PHKB: variants seen among roughly 807,000 people sequenced by gnomAD.
PHKB encodes the protein phosphorylase kinase regulatory subunit beta.
PHKB carries 122 observed loss-of-function variants against 152.1 expected under a neutral mutation model. The ratio of observed to expected loss-of-function variants is 0.80; its 90% CI spans 0.69 to 0.93. The LOEUF (loss-of-function observed/expected upper bound fraction) is 0.93, where lower values mean the gene tolerates loss of function less well. Ranked by LOEUF, PHKB falls within the 40% of genes least tolerant of loss-of-function variation. The pLI is 0.00. For missense variants in PHKB, 1,304 were observed against 1,328.4 expected, an observed-to-expected ratio of 0.98 and a Z score of 0.29; for synonymous variants, 436 against 464.9, an observed-to-expected ratio of 0.94 and a Z score of 0.80.
intron 6 of PHKB, among the ~76,000 whole-genome samples, chr16:47,535,897 A>G (rs1156456187): frequency 1.3e-5 from 2 of 152,186 alleles, no homozygotes; most frequent in African/African-American, 4.8e-5. Flanking sequence ...TTTTTGCAGA[A>G]GTGGATATCA....
chr16:47,593,026 G>A (rs1972055008), intron 10 of PHKB, among the ~76,000 whole-genome samples: 1 of 151,096 alleles, frequency 6.6e-6, no homozygotes, highest in South Asian at 2.1e-4. Flanking sequence ...CAAGATAAGA[G>A]GATCTCTTGA....
At chr16:47,525,592 A>G (rs994335413) in intron 6 of PHKB, among the ~76,000 whole-genome samples, 5 of 152,218 alleles carry the variant, frequency 3.3e-5, no homozygotes, top group African/African-American at 1.2e-4. Flanking sequence ...TGGGTCCCTA[A>G]ATGACCTTAT....
At chr16:47,680,760 T>G (rs1973837214) in intron 26 of PHKB, among the ~76,000 whole-genome samples, 1 of 152,220 alleles carries the variant, frequency 6.6e-6, no homozygotes, top group South Asian at 2.1e-4. Flanking sequence ...TTTTTGTGTC[T>G]CTATTTCCTT....
chr16:47,696,538 C>T (rs199857232), intron 29 of PHKB, 50 bp downstream of exon 29: 5 of 1,005,344 alleles, frequency 5.0e-6, no homozygotes, highest in African/African-American at 1.6e-5. Context: ...CTCTCTGCTC[C>T]GTGAAAACTA....
chr16:47,700,920 C>T lies in PHKB; in HGVS notation c.*1554C>T, dbSNP rs1045687005. The T allele has an allele frequency of 1.3e-5, 2 of 151,934 alleles. No individual in the cohort carries two copies. The highest frequency in any genetic ancestry group is 4.8e-5 in the African/African-American group (2 of 41,338). The allele number at this position is 151,934 out of a possible 1,614,324, so 9.4% of individuals were successfully genotyped here. A position where few individuals can be genotyped will look rare whatever the true frequency, so the allele number is the denominator to read the frequency against. On this transcript the variant is annotated 3_prime_UTR_variant, in exon 31 of 31. Transcript: ENST00000323584. ...TTCTCATAACATTGAGGTACAGTGC[C>T]GAGATCTTGCATAAGAAATTGTATG...
At chr16:47,626,093 T>C (rs1363823994) in intron 14 of PHKB, among the ~76,000 whole-genome samples, 1 of 152,186 alleles carries the variant, frequency 6.6e-6, no homozygotes, top group Non-Finnish European at 1.5e-5. Flanking sequence ...CTCTCAAGGG[T>C]TCCTCACTAG....
At chr16:47,692,641 T>TA (rs1974081870) in intron 27 of PHKB, among the ~76,000 whole-genome samples, 2 of 152,062 alleles carry the variant, frequency 1.3e-5, no homozygotes, top group South Asian at 4.2e-4. Context: ...AATAAATAAA[T>TA]AAATAAATGT....
At chr16:47,691,511 G>T (rs574799311) in intron 27 of PHKB, among the ~76,000 whole-genome samples, 13 of 152,118 alleles carry the variant, frequency 8.5e-5, no homozygotes, top group African/African-American at 3.1e-4. Context: ...TTGAGACCAG[G>T]CTGGGCAACA....
At position 47,641,705 on chromosome 16, in the gene PHKB, G is replaced by T. The variant is rs754227684; in HGVS notation, c.1608+13G>T. The T allele has an allele frequency of 1.4e-5, 19 of 1,396,170 alleles. No individual in the cohort carries two copies. Among genetic ancestry groups the T allele is most frequent in the Non-Finnish European group, 1.7e-5 (17 of 981,448 alleles). 86.5% of individuals were successfully genotyped at this position (1,396,170 alleles called of 1,614,324 possible). ...GGAGCTTGTGAAAGTAAGTGATTCTGCCTTTTACTTTCCTTACTTTGTAGA... is the reference window on the plus strand; with the variant it reads ...GGAGCTTGTGAAAGTAAGTGATTCTTCCTTTTACTTTCCTTACTTTGTAGA... On this transcript the variant is annotated intron_variant, in intron 16 of 30. Transcript: ENST00000323584.
intron 5 of PHKB, 81 bp from the exon 6 acceptor site, chr16:47,515,440 G>C (rs971499386): frequency 2.6e-6 from 2 of 756,516 alleles, no homozygotes; most frequent in Non-Finnish European, 4.8e-6. Flanking sequence ...CAAATGACTT[G>C]TAATTTTAGC....
At chr16:47,483,328 G>A (rs1204155804) in intron 1 of PHKB, among the ~76,000 whole-genome samples, 1 of 152,150 alleles carries the variant, frequency 6.6e-6, no homozygotes, top group Non-Finnish European at 1.5e-5. Context: ...TATTATGGGT[G>A]TGAGCCACCA....
At chr16:47,583,050 G>A (rs1971876543) in intron 8 of PHKB, among the ~76,000 whole-genome samples, 1 of 152,152 alleles carries the variant, frequency 6.6e-6, no homozygotes, top group Admixed American at 6.5e-5. Flanking sequence ...ACCCGCCTTG[G>A]CCTCCCAAAG....
At chr16:47,567,645 C>T (rs144653465) in intron 7 of PHKB, among the ~76,000 whole-genome samples, 2 of 152,126 alleles carry the variant, frequency 1.3e-5, no homozygotes, top group Non-Finnish European at 2.9e-5. Flanking sequence ...TTCACCTTCT[C>T]CCTATTCAAT....
In PHKB at chr16:47,511,765, A is replaced by T. The variant is rs1164006596; in HGVS notation, c.506A>T (p.His169Leu). The T allele has an allele frequency of 6.5e-7, 1 of 1,539,802 alleles. No homozygotes were observed. Among genetic ancestry groups the T allele is most frequent in the Admixed American group, 1.7e-5 (1 of 59,932 alleles). The change falls in exon 5 of 31, where the codon CAT becomes CTT. Residue 169 changes from histidine (H) to leucine (L), a missense_variant. Transcript: ENST00000323584. Reference sequence around the variant, plus strand: ...TTGCTTTCCTATGAGGAATATGGTCATCTTCAGGTAAAAAGAGATTATACA... The same window carrying T: ...TTGCTTTCCTATGAGGAATATGGTCTTCTTCAGGTAAAAAGAGATTATACA... The part of the protein sequence containing the change: ...DELLSYEEYG[H>L]LQINAVSLYL...
At chr16:47,591,701 C>G (rs1299125231) in intron 10 of PHKB, among the ~76,000 whole-genome samples, 1 of 152,124 alleles carries the variant, frequency 6.6e-6, no homozygotes, top group East Asian at 1.9e-4. Context: ...ACTCATACCT[C>G]TCCTCAAGTG....
chr16:47,541,197 C>T (rs926125091), intron 6 of PHKB, among the ~76,000 whole-genome samples: 4 of 152,102 alleles, frequency 2.6e-5, no homozygotes, highest in African/African-American at 9.7e-5. Flanking sequence ...CACCCTGTGT[C>T]CAAGTGTTCT....
rs1340633202 is a variant in PHKB at position 47,641,104 on chromosome 16, G to A, written c.1514+14G>A. 6.2e-7 allele frequency: 1 copy of A among 1,611,342 alleles called. No homozygotes were observed. The highest frequency in any genetic ancestry group is 8.5e-7 in the Non-Finnish European group (1 of 1,177,512). On this transcript the variant is annotated intron_variant, in intron 15 of 30. Transcript: ENST00000323584. ...AGAAAGCCAAAGGTATGAAATCCAAGTGGGTGGTGTGTTTTTTTGTGGGGA... is the reference window on the plus strand; with the variant it reads ...AGAAAGCCAAAGGTATGAAATCCAAATGGGTGGTGTGTTTTTTTGTGGGGA...
chr16:47,631,595 A>C (rs778977378), intron 14 of PHKB, among the ~76,000 whole-genome samples: 15 of 152,172 alleles, frequency 9.9e-5, no homozygotes, highest in Non-Finnish European at 2.2e-4. Flanking sequence ...CGTCATCTAC[A>C]TTAGGTATTT....
chr16:47,667,216 G>C (rs2151740008), intron 25 of PHKB, among the ~76,000 whole-genome samples: 1 of 152,076 alleles, frequency 6.6e-6, no homozygotes, highest in African/African-American at 2.4e-5. Context: ...AGGATCACTT[G>C]AGGCCAGGAA....
Sources: gnomAD v4.1 joint callset for allele counts (sites outside exome capture counted in the v4.1 genomes callset) on GRCh38, gnomAD v4.1.1 for gene constraint, MANE v1.5 for transcripts, NCBI Gene and HGNC (gene_info 2026-07-23, HGNC 2026-07-21) for gene names.